CACNA1A: variants seen among roughly 807,000 people sequenced by gnomAD.
The protein encoded by CACNA1A is voltage-dependent P/Q-type calcium channel subunit alpha-1A.
A neutral mutation model predicts 262.4 loss-of-function variants in CACNA1A; 57 were observed. The observed-to-expected ratio is 0.22, with a 90% CI of 0.18 to 0.27. The LOEUF (loss-of-function observed/expected upper bound fraction) is 0.27, where lower values mean the gene tolerates loss of function less well. Among genes scored for constraint, CACNA1A ranks in the 10% least tolerant of loss-of-function variants. CACNA1A has a pLI of 1.00. For synonymous variants in CACNA1A, 1,431 were observed against 1,419.3 expected, an observed-to-expected ratio of 1.01 and a Z score of -0.18; for missense variants, 2,526 against 3,562.8, an observed-to-expected ratio of 0.71 and a Z score of 7.41.
chr19:13,437,814 G>A (rs1319161624), intron 3 of CACNA1A, among the ~76,000 whole-genome samples: 1 of 152,026 alleles, frequency 6.6e-6, no homozygotes, highest in East Asian at 1.9e-4. Flanking sequence ...CTGAGCCAAT[G>A]GAATCAGAGC....
At chr19:13,361,862 A>G (rs2059116667) in intron 5 of CACNA1A, among the ~76,000 whole-genome samples, 1 of 152,202 alleles carries the variant, frequency 6.6e-6, no homozygotes, top group South Asian at 2.1e-4. Context: ...AATGAGAACT[A>G]TCGTTTAGCA....
chr19:13,395,623 A>AG (rs1464427887), intron 3 of CACNA1A, among the ~76,000 whole-genome samples: 1 of 151,904 alleles, frequency 6.6e-6, no homozygotes, highest in African/African-American at 2.4e-5. Flanking sequence ...AAAAAAAGAA[A>AG]AAAAAAAAAA....
chr19:13,217,307 T>C (rs1418172292), intron 38 of CACNA1A, among the ~76,000 whole-genome samples: 1 of 152,138 alleles, frequency 6.6e-6, no homozygotes, highest in Non-Finnish European at 1.5e-5. Context: ...CAGCAATGAA[T>C]GGTGACACCA....
At chr19:13,265,819 A>G (rs1017966212) in intron 24 of CACNA1A, among the ~76,000 whole-genome samples, 2 of 151,882 alleles carry the variant, frequency 1.3e-5, no homozygotes, top group Non-Finnish European at 2.9e-5. Context: ...GAAGGCAACA[A>G]CATTGTCTGG....
At chr19:13,243,885 G>GA (rs1476069086) in intron 31 of CACNA1A, 2 of 152,506 alleles carry the variant, frequency 1.3e-5, no homozygotes, top group East Asian at 3.9e-4. Flanking sequence ...TCTGTGAAAT[G>GA]AGGCAACACC....
chr19:13,281,833 A>T lies in CACNA1A; in HGVS notation c.3822+1434T>A, dbSNP rs563645342. 2.0e-5 allele frequency among the ~76,000 whole-genome samples: 3 copies of T among 152,304 alleles called. No homozygotes were observed. In the East Asian group the frequency reaches 5.8e-4, roughly 29 times the overall value. ...GACGAGGGAGGGGGCCGGGGAGCTGAACGCTCTTTGCAAACAGTCCCTGGG... is the reference window on the plus strand; with the variant it reads ...GACGAGGGAGGGGGCCGGGGAGCTGTACGCTCTTTGCAAACAGTCCCTGGG... On this transcript the variant is annotated intron_variant, in intron 22 of 46. Transcript: ENST00000360228.
At chr19:13,364,639 TTTTA>T (rs144019120) in intron 5 of CACNA1A, 23 of 119,816 alleles carry the variant, frequency 1.9e-4, no homozygotes, top group African/African-American at 5.3e-4. Flanking sequence ...TTATTTATAT[TTTTA>T]TTTATTTATT....
At position 13,234,071 on chromosome 19, in the gene CACNA1A, T is replaced by C. The variant is rs776575514; in HGVS notation, c.5249+850A>G. 6.4e-3 allele frequency among the ~76,000 whole-genome samples: 692 copies of C among 107,556 alleles called. 2 individuals carry two copies. The highest frequency in any genetic ancestry group is 0.062 in the Middle Eastern group (8 of 128). The allele number at this position is 107,556 out of a possible 152,430, so 70.6% of individuals were successfully genotyped here. A position where few individuals can be genotyped will look rare whatever the true frequency, so the allele number is the denominator to read the frequency against. On this transcript the variant is annotated intron_variant, in intron 34 of 46. Transcript: ENST00000360228. ...TCTAAAAAAAAAAAAAAAAAAGGGC[T>C]GGGCACGGTGGCTCACGCCTGTAAT...
At chr19:13,245,350 A>C in intron 30 of CACNA1A, 85 bp from the exon 31 acceptor site, 1 of 1,008,326 alleles carries the variant, frequency 9.9e-7, no homozygotes, top group Non-Finnish European at 1.6e-6. Context: ...TGTTAGAGGC[A>C]CAGTTGCCCA....
intron 19 of CACNA1A, among the ~76,000 whole-genome samples, chr19:13,291,633 TAAAAAA>T (rs3981952): frequency 2.1e-5 from 2 of 97,360 alleles, no homozygotes; most frequent in Admixed American, 1.2e-4. Context: ...ACCCCATCTC[TAAAAAA>T]AAAAAAAAAA....
Position 13,209,048 on chromosome 19 carries a change from G to A in CACNA1A, c.6527-39C>T, listed in dbSNP as rs367823141. The A allele has an allele frequency of 4.5e-5, 69 of 1,536,448 alleles. No individual in the cohort carries two copies. In the African/African-American group the frequency reaches 5.9e-4, roughly 13 times the overall value. ...GGGTCAGACAGACACACAGGTGGTC[G>A]TGAGGGAGAGGTGGGGCAGATGCAC... is the stretch of plus-strand genomic sequence containing the variant. On this transcript the variant is annotated intron_variant, in intron 45 of 46. Coordinates refer to ENST00000360228, the MANE Select transcript of CACNA1A (RefSeq NM_001127222.2).
At chr19:13,502,318 T>C (rs1427094094) in intron 1 of CACNA1A, among the ~76,000 whole-genome samples, 1 of 152,196 alleles carries the variant, frequency 6.6e-6, no homozygotes, top group African/African-American at 2.4e-5. Context: ...CAGGCAACTG[T>C]GCGTGATAAT....
At chr19:13,329,500 T>A (rs1255218820) in intron 10 of CACNA1A, among the ~76,000 whole-genome samples, 1 of 150,748 alleles carries the variant, frequency 6.6e-6, no homozygotes, top group Non-Finnish European at 1.5e-5. Flanking sequence ...TTTTTTTTTT[T>A]TTTTTTGAGA....
chr19:13,318,100 C>T (rs1853243679), intron 10 of CACNA1A, among the ~76,000 whole-genome samples: 1 of 151,536 alleles, frequency 6.6e-6, no homozygotes, highest in Admixed American at 6.6e-5. Context: ...CTGGGCAACA[C>T]AGCGAGACAA....
chr19:13,378,645 CATTTATTT>C (rs148141236), intron 3 of CACNA1A, among the ~76,000 whole-genome samples: 15 of 148,992 alleles, frequency 1.0e-4, no homozygotes, highest in Admixed American at 4.0e-4. Context: ...AGTAATAAAA[CATTTATTT>C]ATTTATTTAT....
intron 3 of CACNA1A, among the ~76,000 whole-genome samples, chr19:13,382,089 C>T (rs554392828): frequency 5.3e-5 from 8 of 152,068 alleles, no homozygotes; most frequent in African/African-American, 1.9e-4. Context: ...GCAGTGATAA[C>T]GCTAAGACAA....
rs746460335 is a variant in CACNA1A, at chr19:13,224,763, G to A, written c.5635C>T (p.Arg1879Trp). ...TCATCTGCGACGGGCAGGTCCATCCGCAGAAGCCGCTACAGAAAACCCAAG... is the reference window on the plus strand; with the variant it reads ...TCATCTGCGACGGGCAGGTCCATCCACAGAAGCCGCTACAGAAAACCCAAG... ...PARVAYKRLL[R>W]MDLPVADDNT... Residue 1879 changes from arginine to tryptophan, a missense_variant, in exon 38 of 47, where the codon CGG becomes TGG. Physicochemically the swap from Arg to Trp is moderately radical, Grantham distance 101. This residue lies in a region of CACNA1A where 112 missense variants were observed against 197.2 expected (regional missense o/e 0.57). Transcript: ENST00000360228. The A allele has an allele frequency of 5.6e-6, 9 of 1,604,366 alleles. No individual in the cohort carries two copies. The highest frequency in any genetic ancestry group is 2.2e-5 in the East Asian group (1 of 44,478).
chr19:13,432,379 C>T (rs1380455023), intron 3 of CACNA1A, among the ~76,000 whole-genome samples: 2 of 151,014 alleles, frequency 1.3e-5, no homozygotes, highest in African/African-American at 4.9e-5. Context: ...GGCACCATTG[C>T]ACTCCAGACT....
At chr19:13,240,594 CTGTGTGTGCGCAGTGAT>C (rs1357247986) in intron 31 of CACNA1A, among the ~76,000 whole-genome samples, 1 of 145,148 alleles carries the variant, frequency 6.9e-6, no homozygotes, top group African/African-American at 2.6e-5. Context: ...CGTGCAGTGA[CTGTGTGTGCGCAGTGAT>C]TGTGTGTGTG....
Sources: gnomAD v4.1 joint callset for allele counts (sites outside exome capture counted in the v4.1 genomes callset) on GRCh38, gnomAD v4.1.1 for gene constraint, gnomAD v4.1.1 regional missense constraint, MANE v1.5 for transcripts, NCBI Gene and HGNC (gene_info 2026-07-23, HGNC 2026-07-21) for gene names.